Variants in FBXL7 observed in about 807,000 individuals in gnomAD.
The protein encoded by FBXL7 is F-box and leucine rich repeat protein 7, also known as F-box/LRR-repeat protein 7.
Under a neutral mutation model 38.3 loss-of-function variants are expected in FBXL7, and 12 were observed. The ratio of observed to expected loss-of-function variants is 0.31; its 90% CI spans 0.20 to 0.51. FBXL7 has a LOEUF of 0.51. Ranked by LOEUF, FBXL7 falls within the 20% of genes least tolerant of loss-of-function variation. The probability of loss-of-function intolerance (pLI) is 0.98; values close to 1 mark genes in which losing one functional copy is unlikely to be tolerated. For synonymous variants in FBXL7, 297 were observed against 300.9 expected (o/e 0.99, Z 0.13); for missense variants, 567 against 676.4 (o/e 0.84, Z 1.79).
chr5:15,848,257 T>C (rs1738977305), intron 2 of FBXL7, among the ~76,000 whole-genome samples: 1 of 152,196 alleles, frequency 6.6e-6, no homozygotes, highest in South Asian at 2.1e-4. Flanking sequence ...GCTTTTCTGA[T>C]GCTTTGTGTC....
At chr5:15,891,949 C>G (rs1001708753) in intron 2 of FBXL7, among the ~76,000 whole-genome samples, 3 of 152,200 alleles carry the variant, frequency 2.0e-5, no homozygotes, top group African/African-American at 7.2e-5. Context: ...TAAAGGAACT[C>G]AGCCACTGCC....
intron 2 of FBXL7, among the ~76,000 whole-genome samples, chr5:15,643,896 C>T (rs912075319): frequency 6.6e-6 from 1 of 152,128 alleles, no homozygotes; most frequent in East Asian, 1.9e-4. Flanking sequence ...TGTCCAAATT[C>T]GTGCTTAGAT....
At chr5:15,593,020 A>T (rs1739527046) in intron 1 of FBXL7, among the ~76,000 whole-genome samples, 1 of 152,228 alleles carries the variant, frequency 6.6e-6, no homozygotes, top group African/African-American at 2.4e-5. Flanking sequence ...ACTTAAGGCG[A>T]GGCAGTAAAA....
At chr5:15,706,575 T>C (rs1178499285) in intron 2 of FBXL7, among the ~76,000 whole-genome samples, 1 of 152,168 alleles carries the variant, frequency 6.6e-6, no homozygotes, top group Non-Finnish European at 1.5e-5. Flanking sequence ...GTTCAGTTTG[T>C]TTTAATAGTT....
At chr5:15,595,636 G>A (rs553936989) in intron 1 of FBXL7, among the ~76,000 whole-genome samples, 2 of 152,288 alleles carry the variant, frequency 1.3e-5, no homozygotes, top group South Asian at 4.1e-4. Flanking sequence ...CTTTACATGT[G>A]TTAATTCATA....
chr5:15,581,994 G>A (rs1384297982), intron 1 of FBXL7, among the ~76,000 whole-genome samples: 1 of 152,144 alleles, frequency 6.6e-6, no homozygotes, highest in Non-Finnish European at 1.5e-5. Context: ...CTGGAGTGCA[G>A]TGGCATGATC....
chr5:15,894,065 T>G (rs1741019805), intron 2 of FBXL7, among the ~76,000 whole-genome samples: 1 of 152,168 alleles, frequency 6.6e-6, no homozygotes, highest in Non-Finnish European at 1.5e-5. Context: ...AGGCGGGCGG[T>G]CGGGAGTTCA....
intron 2 of FBXL7, among the ~76,000 whole-genome samples, chr5:15,750,139 A>G (rs2126684342): frequency 6.6e-6 from 1 of 152,358 alleles, no homozygotes; most frequent in East Asian, 1.9e-4. Flanking sequence ...GAGTATACCA[A>G]GGAATAAAAT....
intron 2 of FBXL7, among the ~76,000 whole-genome samples, chr5:15,793,431 C>T (rs1329820262): frequency 6.6e-6 from 1 of 152,150 alleles, no homozygotes; most frequent in East Asian, 1.9e-4. Context: ...CATGTCTGTC[C>T]TCTGATGTCT....
intron 2 of FBXL7, among the ~76,000 whole-genome samples, chr5:15,724,556 A>C (rs1744289525): frequency 6.6e-6 from 1 of 152,178 alleles, no homozygotes; most frequent in Non-Finnish European, 1.5e-5. Flanking sequence ...ACAATAGATT[A>C]GTTTTAACTG....
intron 1 of FBXL7, among the ~76,000 whole-genome samples, chr5:15,602,977 G>A (rs1484549909): frequency 6.6e-6 from 1 of 152,070 alleles, no homozygotes; most frequent in Non-Finnish European, 1.5e-5. Flanking sequence ...AGGACTACAG[G>A]TGCACACCGT....
At chr5:15,579,653 GT>G (rs1415241642) in intron 1 of FBXL7, among the ~76,000 whole-genome samples, 2 of 152,138 alleles carry the variant, frequency 1.3e-5, no homozygotes, top group Admixed American at 6.5e-5. Flanking sequence ...AACAGCCATT[GT>G]TTTATGATCT....
At chr5:15,885,277 CG>C in intron 2 of FBXL7, among the ~76,000 whole-genome samples, 1 of 152,240 alleles carries the variant, frequency 6.6e-6, no homozygotes, top group South Asian at 2.1e-4. Flanking sequence ...GGTTCCAGCA[CG>C]GCATCTTGCT....
chr5:15,834,542 A>G (rs1738537958), intron 2 of FBXL7, among the ~76,000 whole-genome samples: 2 of 152,184 alleles, frequency 1.3e-5, no homozygotes, highest in South Asian at 4.2e-4. Flanking sequence ...TTTTCAGTGG[A>G]TCTCCATCTT....
intron 2 of FBXL7, among the ~76,000 whole-genome samples, chr5:15,915,618 C>T (rs1178710098): frequency 2.0e-5 from 3 of 152,182 alleles, no homozygotes; most frequent in East Asian, 3.9e-4. Flanking sequence ...GTCACTTTCA[C>T]AGACACAGGG....
intron 2 of FBXL7, among the ~76,000 whole-genome samples, chr5:15,900,971 A>G (rs1275551274): frequency 6.6e-6 from 1 of 152,256 alleles, no homozygotes; most frequent in East Asian, 1.9e-4. Context: ...AAATTCTTCA[A>G]AAGTATCAAG....
chr5:15,796,326 T>C (rs999694703), intron 2 of FBXL7, among the ~76,000 whole-genome samples: 2 of 152,216 alleles, frequency 1.3e-5, no homozygotes, highest in African/African-American at 2.4e-5. Context: ...CTTTCCCTAC[T>C]TTTATAAATA....
rs1436149022 is a variant in FBXL7 at position 15,928,237 on chromosome 5, C to T, written c.475C>T (p.Leu159=). Residue 159 remains leucine (L), a synonymous_variant, in exon 3 of 4, where the codon CTG becomes TTG. Transcript: ENST00000504595. The surrounding 1 kb of genome is among the most constrained non-coding windows in gnomAD (Gnocchi z 4.0). ...WDPRLWRTIR[L]TGETINVDRA... is the part of the protein sequence containing the mutation. ...CCCGCGGCTCTGGAGGACTATCCGC[C>T]TGACGGGCGAGACCATCAACGTGGA... The T allele has an allele frequency of 6.2e-7, 1 of 1,611,436 alleles. No individual in the cohort carries two copies. Among genetic ancestry groups the T allele is most frequent in the South Asian group, 1.1e-5 (1 of 90,620 alleles).
At chr5:15,780,458 GA>G (rs1736965184) in intron 2 of FBXL7, among the ~76,000 whole-genome samples, 2 of 152,120 alleles carry the variant, frequency 1.3e-5, no homozygotes, top group South Asian at 4.1e-4. Flanking sequence ...TGTATTTTGG[GA>G]GGTGGGAAAA....
Sources: allele counts gnomAD v4.1 joint callset (sites outside exome capture counted in the v4.1 genomes callset), GRCh38; gene constraint gnomAD v4.1.1; non-coding constraint Gnocchi (gnomAD v3.1); transcripts MANE v1.5; gene names NCBI Gene and HGNC (gene_info 2026-07-23, HGNC 2026-07-21).